The following SEMA6A variants were observed in gnomAD, a reference collection of about 807,000 sequenced individuals.
SEMA6A encodes the protein semaphorin-6A.
A neutral mutation model predicts 96.8 loss-of-function variants in SEMA6A; 25 were observed. The observed-to-expected ratio is 0.26, with a 90% confidence interval of 0.19 to 0.36. The LOEUF is 0.36. Among genes scored for constraint, SEMA6A ranks in the 10% least tolerant of loss-of-function variants. The pLI is 1.00. For missense variants in SEMA6A, 1,363 were observed against 1,323.1 expected (o/e 1.03, Z -0.47); for synonymous variants, 612 against 518.0 (o/e 1.18, Z -2.46).
intron 1 of SEMA6A, among the ~76,000 whole-genome samples, chr5:116,553,621 G>A (rs944110359): frequency 6.6e-6 from 1 of 152,118 alleles, no homozygotes; most frequent in Non-Finnish European, 1.5e-5. Context: ...CACAGTGCTG[G>A]GAGCAAACAA....
chr5:116,487,173 G>T, intron 9 of SEMA6A: 2 of 530,210 alleles, frequency 3.8e-6, no homozygotes, highest in Admixed American at 6.6e-5. Flanking sequence ...TAAGGCTGTG[G>T]CATTTAATAC....
Position 116,447,345 on chromosome 5 carries a change from G to A in SEMA6A, c.2361C>T (p.Cys787=). Reference sequence around the variant, plus strand: ...AGCCCATGGGGGGCATGTCCTTTGTGCAGGCATTGATGAGGTTCTGGTTCC... The same window carrying A: ...AGCCCATGGGGGGCATGTCCTTTGTACAGGCATTGATGAGGTTCTGGTTCC... ...WERNQNLINA[C]TKDMPPMGSP... The change falls in exon 19 of 19, where the codon TGC becomes TGT. Residue 787 remains cysteine (C), a synonymous_variant. Coordinates refer to ENST00000343348, the MANE Select transcript of SEMA6A (RefSeq NM_020796.5). 2 of 1,613,880 alleles carry A rather than the reference G, an allele frequency of 1.2e-6. No individual in the cohort carries two copies. Among genetic ancestry groups the A allele is most frequent in the South Asian group, 2.2e-5 (2 of 91,088 alleles).
At chr5:116,523,728 T>A (rs567254717) in intron 1 of SEMA6A, among the ~76,000 whole-genome samples, 13 of 152,204 alleles carry the variant, frequency 8.5e-5, no homozygotes, top group African/African-American at 2.9e-4. Context: ...ATTAAAGATG[T>A]CTGTGTTCCA....
At chr5:116,519,698 C>CACAT (rs1281274164) in intron 1 of SEMA6A, among the ~76,000 whole-genome samples, 1 of 151,728 alleles carries the variant, frequency 6.6e-6, no homozygotes, top group South Asian at 2.1e-4. Flanking sequence ...CACACGCACA[C>CACAT]ACATACATTA....
chr5:116,565,575 TACAA>T lies in SEMA6A; in HGVS notation c.-39+8606_-39+8609del, dbSNP rs940381196. Among the ~76,000 whole-genome samples, 11 of 152,350 alleles carry T rather than the reference TACAA, an allele frequency of 7.2e-5. No individual in the cohort carries two copies. In the South Asian group the frequency reaches 1.9e-3, roughly 26 times the overall value. Reference sequence around the variant, plus strand: ...GCCAATATACTTGAGTTTAGAATGCTACAAACAATTTGGTTTCTATTTATCGCTC... The same window carrying T: ...GCCAATATACTTGAGTTTAGAATGCTACAATTTGGTTTCTATTTATCGCTC... On this transcript the variant is annotated intron_variant, in intron 1 of 18. Coordinates refer to ENST00000343348, the MANE Select transcript of SEMA6A (RefSeq NM_020796.5).
chr5:116,551,783 G>C (rs1405806948), intron 1 of SEMA6A, among the ~76,000 whole-genome samples: 1 of 152,216 alleles, frequency 6.6e-6, no homozygotes, highest in Non-Finnish European at 1.5e-5. Context: ...ATCACAACAA[G>C]CTTTCTCTTT....
chr5:116,453,262 T>C (rs1340090430), intron 18 of SEMA6A, among the ~76,000 whole-genome samples: 2 of 152,186 alleles, frequency 1.3e-5, no homozygotes, highest in African/African-American at 4.8e-5. Flanking sequence ...CCCTACTCAT[T>C]TTCCCACTCA....
Position 116,447,820 on chromosome 5 carries a change from G to C in SEMA6A, c.1895-9C>G, listed in dbSNP as rs1485963137. The C allele has an allele frequency of 2.5e-6, 4 of 1,575,418 alleles. No homozygotes were observed. In the African/African-American group the frequency reaches 5.4e-5, roughly 21 times the overall value. On this transcript the variant is annotated splice_polypyrimidine_tract_variant and intron_variant, in intron 18 of 18. Coordinates refer to ENST00000343348, the MANE Select transcript of SEMA6A (RefSeq NM_020796.5). ...ACTTTCCCGAATCACTCCTGCAATA[G>C]ACATCGCATATGGCGTTAAGAAATG...
chr5:116,506,204 C>G (rs1395344294), intron 1 of SEMA6A, among the ~76,000 whole-genome samples: 1 of 152,146 alleles, frequency 6.6e-6, no homozygotes, highest in Non-Finnish European at 1.5e-5. Flanking sequence ...TTCTTCATGC[C>G]AAGAAAGTAT....
rs762183871 is a variant in SEMA6A, at chr5:116,502,207, T to G, written c.218+3A>C. 1.8e-5 allele frequency: 29 copies of G among 1,613,094 alleles called. No homozygotes were observed. The highest frequency in any genetic ancestry group is 2.5e-5 in the Non-Finnish European group (29 of 1,179,074). ...AGGCAGACATGGGGAAAAGGCCCCT[T>G]ACCTAGCAGCAATGTAGAGGGTTCC... On this transcript the variant is annotated splice_donor_region_variant and intron_variant, in intron 3 of 18. Coordinates refer to ENST00000343348, the MANE Select transcript of SEMA6A (RefSeq NM_020796.5).
chr5:116,482,382 T>A (rs1324067495), intron 11 of SEMA6A, 62 bp downstream of exon 11: 9 of 1,547,074 alleles, frequency 5.8e-6, no homozygotes, highest in Non-Finnish European at 7.9e-6. Context: ...ATGTTCATTA[T>A]CAGAGGTGCA....
chr5:116,560,602 A>AG (rs1202502041), intron 1 of SEMA6A, among the ~76,000 whole-genome samples: 1 of 152,002 alleles, frequency 6.6e-6, no homozygotes, highest in African/African-American at 2.4e-5. Context: ...AAGCCCCAGG[A>AG]GGATATTCCT....
intron 10 of SEMA6A, among the ~76,000 whole-genome samples, chr5:116,483,635 T>C (rs1369537815): frequency 6.6e-6 from 1 of 151,098 alleles, no homozygotes; most frequent in Non-Finnish European, 1.5e-5. Flanking sequence ...TGAATAATAA[T>C]TGCTTAATAA....
At chr5:116,515,354 G>A (rs1758620239) in intron 1 of SEMA6A, among the ~76,000 whole-genome samples, 1 of 152,142 alleles carries the variant, frequency 6.6e-6, no homozygotes, top group Non-Finnish European at 1.5e-5. Context: ...AAGAAGGGGT[G>A]GGGGAAGCTC....
intron 2 of SEMA6A, chr5:116,502,610 C>A: frequency 3.0e-6 from 1 of 335,888 alleles, no homozygotes; most frequent in Non-Finnish European, 5.5e-6. Flanking sequence ...GGGCTCAACT[C>A]GCTAGTGAAC....
chr5:116,475,043 T>G (rs1339875033), intron 16 of SEMA6A, among the ~76,000 whole-genome samples: 2 of 152,228 alleles, frequency 1.3e-5, no homozygotes, highest in Non-Finnish European at 2.9e-5. Context: ...ACTTGTGGGT[T>G]ATTTCTGAAA....
intron 1 of SEMA6A, among the ~76,000 whole-genome samples, chr5:116,514,721 T>C (rs936279259): frequency 1.3e-5 from 2 of 152,146 alleles, no homozygotes; most frequent in African/African-American, 4.8e-5. Context: ...TTCATTCACT[T>C]CTCCTTGGCT....
At chr5:116,471,070 A>G (rs1046742197) in intron 17 of SEMA6A, 1 of 152,222 alleles carries the variant, frequency 6.6e-6, no homozygotes, top group Non-Finnish European at 1.5e-5. Flanking sequence ...TTTTGTAAGT[A>G]CTGTCTGAAC....
At chr5:116,491,296 G>A (rs1400785188) in intron 7 of SEMA6A, among the ~76,000 whole-genome samples, 1 of 152,150 alleles carries the variant, frequency 6.6e-6, no homozygotes, top group East Asian at 1.9e-4. Context: ...TCATGAGGTC[G>A]ACATAGAGCA....
Sources: allele counts gnomAD v4.1 joint callset (sites outside exome capture counted in the v4.1 genomes callset), GRCh38; gene constraint gnomAD v4.1.1; transcripts MANE v1.5; gene names NCBI Gene and HGNC (gene_info 2026-07-23, HGNC 2026-07-21).